Variants in PSMG4 observed in about 807,000 individuals in gnomAD.
PSMG4 encodes the protein proteasome assembly chaperone 4.
A neutral mutation model predicts 11.0 loss-of-function variants in PSMG4; 10 were observed. That is an observed-to-expected ratio of 0.91 (90% CI 0.56 to 1.54). The LOEUF (loss-of-function observed/expected upper bound fraction) is 1.54. Among genes scored for constraint, PSMG4 ranks in the 40% most tolerant of loss-of-function variants. The pLI is 0.00. For synonymous variants in PSMG4, 95 were observed against 71.3 expected (o/e 1.33, Z -1.68); for missense variants, 198 against 160.9 (o/e 1.23, Z -1.25).
At chr6:3,257,927 A>G (rs1757820592), upstream of PSMG4, among the ~76,000 whole-genome samples, 1 of 152,264 alleles carries the variant, frequency 6.6e-6, no homozygotes, top group Non-Finnish European at 1.5e-5. Context: ...TGAATCATCG[A>G]TAATTAGCAA....
chr6:3,254,898 G>T (rs566152746), upstream of PSMG4, among the ~76,000 whole-genome samples: 3 of 150,434 alleles, frequency 2.0e-5, no homozygotes, highest in Non-Finnish European at 4.4e-5. Context: ...CCTTGTAAGT[G>T]AATGATCTCT....
upstream of PSMG4, chr6:3,254,988 T>A (rs929869800): frequency 3.3e-6 from 5 of 1,509,896 alleles, no homozygotes; most frequent in East Asian, 2.5e-5. Context: ...GTGGATCCCA[T>A]GGACCTAGCG....
chr6:3,260,286 TATATA>T (rs768364213), intron 1 of PSMG4, among the ~76,000 whole-genome samples: 11,346 of 79,700 alleles, frequency 0.14, 1,351 homozygotes, highest in African/African-American at 0.38. Flanking sequence ...TGTATATATA[TATATA>T]TTTTTTTTTT....
chr6:3,254,556 C>T (rs551505504), upstream of PSMG4, among the ~76,000 whole-genome samples: 21 of 151,864 alleles, frequency 1.4e-4, no homozygotes, highest in Admixed American at 2.6e-4. Flanking sequence ...CAGATTTGTT[C>T]TCGGGGTTTG....
At chr6:3,254,410 A>C (rs780716312), upstream of PSMG4, among the ~76,000 whole-genome samples, 8 of 152,094 alleles carry the variant, frequency 5.3e-5, no homozygotes, top group East Asian at 3.9e-4. Flanking sequence ...TGTTGGTGGC[A>C]CATCTGAGGA....
chr6:3,267,615 T>G lies in PSMG4; in HGVS notation c.275T>G (p.Phe92Cys). Reference protein sequence around the residue: ...RLARKTNKQVFVSYNLQNTDS... With the variant: ...RLARKTNKQVCVSYNLQNTDS... ...GCCAGGAAGACCAACAAACAGGTGT[T>G]TGTCAGCTATAACCTTCAGAACACA... The change falls in exon 3 of 3, where the codon TTT (phenylalanine) becomes TGT (cysteine). Residue 92 changes from phenylalanine to cysteine, a missense_variant. Physicochemically the swap from Phe to Cys is radical, Grantham distance 205 (BLOSUM62 -2). Transcript: ENST00000438998. 1 of 1,551,916 alleles carries G rather than the reference T, an allele frequency of 6.4e-7. No homozygotes were observed. Among genetic ancestry groups the G allele is most frequent in the Non-Finnish European group, 8.7e-7 (1 of 1,147,004 alleles).
At chr6:3,255,830 CTG>C (rs1404524816), upstream of PSMG4, among the ~76,000 whole-genome samples, 6 of 152,054 alleles carry the variant, frequency 3.9e-5, no homozygotes, top group East Asian at 1.9e-4. Context: ...GTGGGCAAAA[CTG>C]TAAATGAATG....
At position 3,259,001 on chromosome 6, in the gene PSMG4, G is replaced by A; in HGVS notation, c.-22G>A. 1 of 1,241,168 alleles carries A rather than the reference G, an allele frequency of 8.1e-7. No homozygotes were observed. The allele number at this position is 1,241,168 out of a possible 1,614,324, so 76.9% of individuals were successfully genotyped here. On this transcript the variant is annotated 5_prime_UTR_variant, in exon 1 of 3. Transcript: ENST00000438998. ...GGCGAGGACCCGGGTCTGGCGCTGT[G>A]GGCCGGGAGCCGTGGGGCGGCATGG...
intron 2 of PSMG4, chr6:3,264,385 G>T: frequency 6.6e-7 from 1 of 1,519,716 alleles, no homozygotes; most frequent in Non-Finnish European, 8.8e-7. Flanking sequence ...GTGTGCACAG[G>T]ATGCCTGTCT....
At chr6:3,258,011 C>T (rs752537001), upstream of PSMG4, among the ~76,000 whole-genome samples, 4 of 152,194 alleles carry the variant, frequency 2.6e-5, no homozygotes, top group African/African-American at 7.2e-5. Flanking sequence ...TTAAAGCAGA[C>T]CTTTTATAGT....
chr6:3,256,631 C>T (rs374006591), upstream of PSMG4, among the ~76,000 whole-genome samples: 5 of 152,312 alleles, frequency 3.3e-5, no homozygotes, highest in African/African-American at 1.2e-4. Flanking sequence ...AACATTCAGC[C>T]GCCTGACCAT....
At chr6:3,263,787 G>A in intron 2 of PSMG4, 28 bp downstream of exon 2, 6 of 1,544,190 alleles carry the variant, frequency 3.9e-6, no homozygotes, top group Non-Finnish European at 5.2e-6. Context: ...GCGCTGCATG[G>A]CCAGCCAGGT....
chr6:3,256,557 A>C (rs1044245258), upstream of PSMG4, among the ~76,000 whole-genome samples: 5 of 152,170 alleles, frequency 3.3e-5, no homozygotes, highest in Non-Finnish European at 5.9e-5. Flanking sequence ...GGTGCCGGGG[A>C]CCTGGTCACC....
In PSMG4 at chr6:3,267,676, C is replaced by T; in HGVS notation, c.336C>T (p.Ile112=). The change falls in exon 3 of 3, where the codon ATC becomes ATT. Residue 112 remains isoleucine (I), a synonymous_variant. Transcript: ENST00000438998. The part of the protein sequence containing the change: ...SNFALLVENR[I]KEEMEAFPEK... ...TCGCATTACTTGTAGAAAACAGGATCAAGGAAGAGATGGAGGCTTTCCCCG... is the reference window on the plus strand; with the variant it reads ...TCGCATTACTTGTAGAAAACAGGATTAAGGAAGAGATGGAGGCTTTCCCCG... 6.4e-7 allele frequency: 1 copy of T among 1,552,212 alleles called. No individual in the cohort carries two copies. The highest frequency in any genetic ancestry group is 8.7e-7 in the Non-Finnish European group (1 of 1,147,058).
chr6:3,263,834 C>G (rs1322513800), intron 2 of PSMG4, 75 bp downstream of exon 2: 8 of 1,511,970 alleles, frequency 5.3e-6, no homozygotes, highest in Non-Finnish European at 6.2e-6. Context: ...AAGCAAGTCC[C>G]TTCGGAAGTA....
At chr6:3,258,810 ACT>A (rs1352102738), upstream of PSMG4, 3 of 398,450 alleles carry the variant, frequency 7.5e-6, no homozygotes, top group Non-Finnish European at 1.3e-5. Context: ...AGGGACAGCT[ACT>A]CCGCCCAGGG....
At chr6:3,255,242 T>A, upstream of PSMG4, 1 of 1,549,036 alleles carries the variant, frequency 6.5e-7, no homozygotes, top group Non-Finnish European at 8.7e-7. Context: ...AAGCCTTCCA[T>A]GCTGTTGGGT....
chr6:3,258,405 G>A (rs1162391499), upstream of PSMG4, among the ~76,000 whole-genome samples: 1 of 152,184 alleles, frequency 6.6e-6, no homozygotes, highest in African/African-American at 2.4e-5. Flanking sequence ...CCTTTCTAAA[G>A]GCTTTCTCCC....
At chr6:3,259,308 C>T (rs1412821207) in intron 1 of PSMG4, 112 bp downstream of exon 1, 6 of 979,290 alleles carry the variant, frequency 6.1e-6, no homozygotes, top group East Asian at 6.9e-5. Flanking sequence ...GCGCCCTACT[C>T]CCCCGAAGCC....
Sources: allele counts gnomAD v4.1 joint callset (sites outside exome capture counted in the v4.1 genomes callset), GRCh38; gene constraint gnomAD v4.1.1; transcripts MANE v1.5; gene names NCBI Gene and HGNC (gene_info 2026-07-23, HGNC 2026-07-21).